Variants in SLC7A7 observed in about 807,000 individuals in gnomAD.
The protein encoded by SLC7A7 is Y+L amino acid transporter 1.
A neutral mutation model predicts 47.9 loss-of-function variants in SLC7A7; 39 were observed. The ratio of observed to expected loss-of-function variants is 0.81; its 90% CI spans 0.63 to 1.06. The LOEUF (loss-of-function observed/expected upper bound fraction) is 1.06, where lower values mean the gene tolerates loss of function less well. SLC7A7 is among the 50% of genes least tolerant of loss of function. The pLI, the probability that SLC7A7 is intolerant of heterozygous loss-of-function variation, is 0.00. For missense variants in SLC7A7, 588 were observed against 632.0 expected, an observed-to-expected ratio of 0.93 and a Z score of 0.75; for synonymous variants, 234 against 242.8, an observed-to-expected ratio of 0.96 and a Z score of 0.34.
chr14:22,804,923 C>T (rs1384442529), intron 2 of SLC7A7, among the ~76,000 whole-genome samples: 2 of 152,176 alleles, frequency 1.3e-5, no homozygotes, highest in Admixed American at 1.3e-4. Context: ...AGGAGAATTC[C>T]TTGAACTTGG....
intron 2 of SLC7A7, among the ~76,000 whole-genome samples, chr14:22,796,543 A>G (rs1353791486): frequency 6.6e-6 from 1 of 152,268 alleles, no homozygotes; most frequent in Non-Finnish European, 1.5e-5. Context: ...TATGACACGA[A>G]GAATCTTTGC....
chr14:22,812,204 T>C (rs1479774745), intron 2 of SLC7A7, among the ~76,000 whole-genome samples: 2 of 152,044 alleles, frequency 1.3e-5, no homozygotes, highest in Non-Finnish European at 2.9e-5. Flanking sequence ...TCTCACTCTG[T>C]TGCCCAGGCT....
At position 22,776,278 on chromosome 14, in the gene SLC7A7, T is replaced by C; in HGVS notation, c.811A>G (p.Thr271Ala). The C allele has an allele frequency of 6.2e-7, 1 of 1,614,226 alleles. No homozygotes were observed. Among genetic ancestry groups the C allele is most frequent in the Non-Finnish European group, 8.5e-7 (1 of 1,180,042 alleles). ...LSIGISMPIV[T>A]IIYILTNVAY... ...ACATTGGTCAAGATATAGATGATGG[T>C]GACAATGGGCATGGAGATGCCAATG... Residue 271 changes from threonine (T) to alanine (A), a missense_variant, in exon 5 of 10, where the codon ACC becomes GCC. Transcript: ENST00000674313.
chr14:22,789,345 G>A (rs1001882557), intron 2 of SLC7A7, among the ~76,000 whole-genome samples: 7 of 152,110 alleles, frequency 4.6e-5, no homozygotes, highest in African/African-American at 9.7e-5. Context: ...GAGGCCAGGC[G>A]CAGTGGCTCA....
intron 2 of SLC7A7, among the ~76,000 whole-genome samples, chr14:22,809,017 T>G (rs1279738950): frequency 6.6e-6 from 1 of 152,196 alleles, no homozygotes; most frequent in Non-Finnish European, 1.5e-5. Flanking sequence ...GAGCCCAACC[T>G]CAAACACAAG....
upstream of SLC7A7, chr14:22,815,828 C>A: frequency 2.7e-6 from 1 of 376,108 alleles, no homozygotes; most frequent in Non-Finnish European, 5.3e-6. Flanking sequence ...TCTTCTCTCT[C>A]ACCCCAAGCA....
At chr14:22,777,883 G>A (rs537705325) in intron 4 of SLC7A7, among the ~76,000 whole-genome samples, 5 of 152,342 alleles carry the variant, frequency 3.3e-5, no homozygotes, top group Admixed American at 6.5e-5. Context: ...AGACCAGCCT[G>A]GCCAACATGG....
intron 2 of SLC7A7, among the ~76,000 whole-genome samples, chr14:22,809,906 G>A (rs1336959846): frequency 1.3e-5 from 2 of 151,970 alleles, no homozygotes; most frequent in Non-Finnish European, 2.9e-5. Flanking sequence ...TGGCGTGGTG[G>A]CGGGCGCCTG....
rs941384049 is a variant in SLC7A7 at position 22,773,874 on chromosome 14, GAA to G, written c.1429+57_1429+58del. 3.7e-6 allele frequency: 6 copies of G among 1,608,084 alleles called. No homozygotes were observed. In the African/African-American group the frequency reaches 8.0e-5, roughly 21 times the overall value. ...GATGTCTTTGGAGGCTGGATTTACA[GAA>G]AAAGGCAAAAACCAAGCTCTGCAAT... is the stretch of plus-strand genomic sequence containing the variant. On this transcript the variant is annotated intron_variant, in intron 9 of 9. Transcript: ENST00000674313.
intron 2 of SLC7A7, among the ~76,000 whole-genome samples, chr14:22,788,795 G>A (rs2038872542): frequency 6.6e-6 from 1 of 151,774 alleles, no homozygotes; most frequent in Non-Finnish European, 1.5e-5. Context: ...ATGCAAAAGT[G>A]TACATATAGA....
At chr14:22,787,473 T>C (rs944148123) in intron 2 of SLC7A7, among the ~76,000 whole-genome samples, 26 of 148,536 alleles carry the variant, frequency 1.8e-4, no homozygotes, top group African/African-American at 6.7e-4. Context: ...TGACATGGGC[T>C]GGCAGCAGTG....
At chr14:22,777,037 G>A (rs997587601) in intron 4 of SLC7A7, among the ~76,000 whole-genome samples, 7 of 151,332 alleles carry the variant, frequency 4.6e-5, no homozygotes. Flanking sequence ...CAGCTATTTG[G>A]GAGGCTGAGG....
At chr14:22,793,754 G>A (rs747485775) in intron 2 of SLC7A7, among the ~76,000 whole-genome samples, 6 of 151,890 alleles carry the variant, frequency 4.0e-5, no homozygotes, top group Non-Finnish European at 7.4e-5. Context: ...AGGTGGAGGT[G>A]GCAGTGAGCC....
At chr14:22,815,697 TGCA>T, upstream of SLC7A7, 1 of 453,878 alleles carries the variant, frequency 2.2e-6, no homozygotes, top group Non-Finnish European at 4.4e-6. Context: ...GTCAGCTGAG[TGCA>T]GTATCTGTAG....
chr14:22,779,702 C>T (rs1439434235), intron 3 of SLC7A7, among the ~76,000 whole-genome samples: 5 of 152,138 alleles, frequency 3.3e-5, no homozygotes, highest in South Asian at 2.1e-4. Flanking sequence ...GATCCACCCG[C>T]GATGGCCTCC....
chr14:22,808,097 G>A (rs1007139577), intron 2 of SLC7A7, among the ~76,000 whole-genome samples: 4 of 151,744 alleles, frequency 2.6e-5, no homozygotes, highest in African/African-American at 9.7e-5. Flanking sequence ...GGACATGGAG[G>A]TTGCGTGAGT....
intron 2 of SLC7A7, among the ~76,000 whole-genome samples, chr14:22,782,469 A>T (rs1033105205): frequency 2.3e-4 from 33 of 142,518 alleles, no homozygotes; most frequent in East Asian, 4.7e-4. Context: ...TATTTATTTT[A>T]TTTATTTTTT....
rs1408890830 is a variant in SLC7A7, at chr14:22,779,469, G to T, written c.625+457C>A. On this transcript the variant is annotated intron_variant, in intron 3 of 9. Coordinates refer to ENST00000674313, the MANE Select transcript of SLC7A7 (RefSeq NM_003982.4). ...ATATTTAATTCTTTTTTTTTTTTGGGGGGGGGACAGAGTCTCGCTCTGTCG... is the reference window on the plus strand; with the variant it reads ...ATATTTAATTCTTTTTTTTTTTTGGTGGGGGGACAGAGTCTCGCTCTGTCG... Among the ~76,000 whole-genome samples, 25 of 140,538 alleles carry T rather than the reference G, an allele frequency of 1.8e-4. 1 individual carries two copies. In the South Asian group the frequency reaches 4.1e-3, roughly 23 times the overall value. The allele number at this position is 140,538 out of a possible 152,430, so 92.2% of individuals were successfully genotyped here.
intron 1 of SLC7A7, among the ~76,000 whole-genome samples, chr14:22,814,348 G>A (rs1271783394): frequency 6.6e-6 from 1 of 151,832 alleles, no homozygotes; most frequent in Non-Finnish European, 1.5e-5. Context: ...GCCATGCGTG[G>A]TGGCACATGC....
Sources: gnomAD v4.1 joint callset for allele counts (sites outside exome capture counted in the v4.1 genomes callset) on GRCh38, gnomAD v4.1.1 for gene constraint, MANE v1.5 for transcripts, NCBI Gene and HGNC (gene_info 2026-07-23, HGNC 2026-07-21) for gene names.